Variants in GNG7 observed in about 807,000 individuals in gnomAD.
GNG7 encodes guanine nucleotide-binding protein G(I)/G(S)/G(O) subunit gamma-7.
Under a neutral mutation model 4.0 loss-of-function variants are expected in GNG7, and 1 was observed. The observed-to-expected ratio is 0.25, with a 90% CI of 0.09 to 1.18. The LOEUF (loss-of-function observed/expected upper bound fraction) is 1.18, where lower values mean the gene tolerates loss of function less well. GNG7 is among the 50% of genes most tolerant of loss of function. The pLI, the probability that GNG7 is intolerant of heterozygous loss-of-function variation, is 0.50. For missense variants in GNG7, 86 were observed against 91.9 expected, an observed-to-expected ratio of 0.94 and a Z score of 0.26; for synonymous variants, 34 against 36.9, an observed-to-expected ratio of 0.92 and a Z score of 0.29.
chr19:2,549,252 A>T (rs1467480649), intron 3 of GNG7, among the ~76,000 whole-genome samples: 2 of 151,270 alleles, frequency 1.3e-5, no homozygotes, highest in Non-Finnish European at 2.9e-5. Flanking sequence ...GTGGGGGTGG[A>T]GGTGGAGGAG....
At position 2,629,856 on chromosome 19, in the gene GNG7, C is replaced by G. The variant is rs116196688; in HGVS notation, c.-78+16368G>C. On this transcript the variant is annotated intron_variant, in intron 2 of 4. Coordinates refer to ENST00000382159, the MANE Select transcript of GNG7 (RefSeq NM_052847.3). ...GAGTCTGCATGTGTGCGAAAGGGCA[C>G]AGAGCTTTGCACATACATGGTGCCA... Among the ~76,000 whole-genome samples, 1,432 of 152,288 alleles carry G rather than the reference C, an allele frequency of 9.4e-3. 23 individuals carry two copies. The highest frequency in any genetic ancestry group is 0.033 in the African/African-American group (1,352 of 41,556).
intron 2 of GNG7, among the ~76,000 whole-genome samples, chr19:2,594,128 T>A (rs1980936261): frequency 2.0e-5 from 3 of 152,064 alleles, no homozygotes; most frequent in Non-Finnish European, 4.4e-5. Flanking sequence ...CCCAGCGCTT[T>A]GGGAGGCCAA....
chr19:2,604,453 G>A (rs1375014145), intron 2 of GNG7, among the ~76,000 whole-genome samples: 12 of 139,254 alleles, frequency 8.6e-5, no homozygotes, highest in African/African-American at 3.1e-4. Context: ...CCTGGGCAAC[G>A]GAGCAAGACC....
rs201042346 is a variant in GNG7, at chr19:2,575,738, C to CAGACACAGGCACACGCAGGCACACACAG, written c.-77-20551_-77-20550insCTGTGTGTGCCTGCGTGTGCCTGTGTCT. ...GCACACGCAGACACGCAGGCACACG[C>CAGACACAGGCACACGCAGGCACACACAG]ACACGCAGGCACACGCAGACACGCA... On this transcript the variant is annotated intron_variant, in intron 2 of 4. Transcript: ENST00000382159. Among the ~76,000 whole-genome samples, 2 of 79,594 alleles carry CAGACACAGGCACACGCAGGCACACACAG rather than the reference C, an allele frequency of 2.5e-5. 1 individual carries two copies. Among genetic ancestry groups the CAGACACAGGCACACGCAGGCACACACAG allele is most frequent in the African/African-American group, 1.8e-4 (2 of 11,128 alleles). The allele number at this position is 79,594 out of a possible 152,430, so 52.2% of individuals were successfully genotyped here. A position where few individuals can be genotyped will look rare whatever the true frequency, so the allele number is the denominator to read the frequency against.
intron 2 of GNG7, among the ~76,000 whole-genome samples, chr19:2,586,888 G>A (rs1199614709): frequency 1.3e-5 from 2 of 151,010 alleles, no homozygotes; most frequent in Non-Finnish European, 2.9e-5. Context: ...GGGAGGCTGA[G>A]GCAGGAGAAT....
intron 4 of GNG7, 73 bp downstream of exon 4, chr19:2,520,535 G>A (rs1403817225): frequency 1.0e-5 from 8 of 791,326 alleles, no homozygotes; most frequent in Middle Eastern, 3.0e-4. Flanking sequence ...CCCTCCTGCC[G>A]AGCCTCCTGT....
At chr19:2,663,851 C>T (rs2058459) in intron 1 of GNG7, among the ~76,000 whole-genome samples, 75,421 of 152,036 alleles carry the variant, frequency 0.5, 18,954 homozygotes, top group African/African-American at 0.57. Context: ...CACTATTAAA[C>T]TGGGGCTTGA....
intron 1 of GNG7, among the ~76,000 whole-genome samples, chr19:2,695,315 C>T (rs1270977993): frequency 6.6e-6 from 1 of 152,080 alleles, no homozygotes; most frequent in East Asian, 1.9e-4. Context: ...ATCACCCCTG[C>T]ACCTATTCAG....
intron 2 of GNG7, among the ~76,000 whole-genome samples, chr19:2,578,004 A>AT (rs1259022752): frequency 6.6e-6 from 1 of 151,164 alleles, no homozygotes; most frequent in Non-Finnish European, 1.5e-5. Flanking sequence ...CGCCCGGCTA[A>AT]TTCTTTTATT....
chr19:2,557,061 ACG>A lies in GNG7; in HGVS notation c.-77-1875_-77-1874del, dbSNP rs1979570824. On this transcript the variant is annotated intron_variant, in intron 2 of 4. Coordinates refer to ENST00000382159, the MANE Select transcript of GNG7 (RefSeq NM_052847.3). The surrounding 1 kb of genome is among the most constrained non-coding windows in gnomAD (Gnocchi z 5.1). ...CACACGCACACTCACACACATATGC[ACG>A]CACACAGACACACGCACACACGTGC... Among the ~76,000 whole-genome samples the A allele has an allele frequency of 2.1e-5, 3 of 143,136 alleles. No homozygotes were observed. Among genetic ancestry groups the A allele is most frequent in the South Asian group, 4.5e-4 (2 of 4,432 alleles). The allele number at this position is 143,136 out of a possible 152,430, so 93.9% of individuals were successfully genotyped here.
intron 2 of GNG7, among the ~76,000 whole-genome samples, chr19:2,561,439 C>A (rs1381439934): frequency 6.6e-6 from 1 of 152,102 alleles, no homozygotes; most frequent in African/African-American, 2.4e-5. Context: ...TTGGTGTCAG[C>A]ACCACTGCCC....
intron 2 of GNG7, among the ~76,000 whole-genome samples, chr19:2,583,390 G>A (rs997679109): frequency 5.3e-5 from 8 of 152,172 alleles, no homozygotes; most frequent in Non-Finnish European, 1.0e-4. Context: ...TGGAACCCGG[G>A]CTGGCTCAGC....
intron 2 of GNG7, among the ~76,000 whole-genome samples, chr19:2,599,472 A>AG (rs1330690711): frequency 2.6e-5 from 4 of 151,624 alleles, no homozygotes; most frequent in Non-Finnish European, 5.9e-5. Context: ...CGGACCTGGG[A>AG]GGGGGGCCCT....
intron 3 of GNG7, among the ~76,000 whole-genome samples, chr19:2,548,011 TCA>T (rs1979184077): frequency 6.6e-6 from 1 of 151,964 alleles, no homozygotes; most frequent in African/African-American, 2.4e-5. Flanking sequence ...GGGCTCCAGG[TCA>T]CATCATCAGA....
In GNG7 at chr19:2,653,861, C is replaced by T. The variant is rs1336623972; in HGVS notation, c.-134-7581G>A. Reference sequence around the variant, plus strand: ...CACAGTCCCCTTGGCACCACCCAGGCGCTGTCCCTGGCCTCGCCCATGGCT... The same window carrying T: ...CACAGTCCCCTTGGCACCACCCAGGTGCTGTCCCTGGCCTCGCCCATGGCT... On this transcript the variant is annotated intron_variant, in intron 1 of 4. Coordinates refer to ENST00000382159, the MANE Select transcript of GNG7 (RefSeq NM_052847.3). The surrounding 1 kb of genome is among the most constrained non-coding windows in gnomAD (Gnocchi z 4.8). Among the ~76,000 whole-genome samples, 1 of 152,238 alleles carries T rather than the reference C, an allele frequency of 6.6e-6. No homozygotes were observed. Among genetic ancestry groups the T allele is most frequent in the Non-Finnish European group, 1.5e-5 (1 of 68,040 alleles).
chr19:2,657,930 G>A (rs957039244), intron 1 of GNG7, among the ~76,000 whole-genome samples: 19 of 152,032 alleles, frequency 1.2e-4, no homozygotes, highest in African/African-American at 4.3e-4. Flanking sequence ...TGCCTCGGCT[G>A]CCAAACAGGG....
chr19:2,543,160 C>A (rs1195330280), intron 3 of GNG7, among the ~76,000 whole-genome samples: 1 of 151,584 alleles, frequency 6.6e-6, no homozygotes, highest in Admixed American at 6.6e-5. Flanking sequence ...CTCAAGTGAT[C>A]CACCTGCCTT....
intron 1 of GNG7, among the ~76,000 whole-genome samples, chr19:2,661,670 TAAAA>T (rs57483197): frequency 3.7e-5 from 4 of 108,658 alleles, no homozygotes; most frequent in Non-Finnish European, 5.8e-5. Context: ...GAGACTCCAT[TAAAA>T]AAAAAAAAAA....
intron 3 of GNG7, among the ~76,000 whole-genome samples, chr19:2,535,538 C>A (rs897417988): frequency 5.3e-5 from 8 of 151,740 alleles, no homozygotes; most frequent in African/African-American, 1.7e-4. Context: ...GTCCCCAGAA[C>A]CTGGTATATA....
Sources: gnomAD v4.1 joint callset for allele counts (sites outside exome capture counted in the v4.1 genomes callset) on GRCh38, gnomAD v4.1.1 for gene constraint, Gnocchi (gnomAD v3.1) non-coding constraint, MANE v1.5 for transcripts, NCBI Gene and HGNC (gene_info 2026-07-23, HGNC 2026-07-21) for gene names.